The following MAGI2 variants were observed in gnomAD, a reference collection of about 807,000 sequenced individuals.
MAGI2 encodes the protein membrane-associated guanylate kinase, WW and PDZ domain-containing protein 2.
A neutral mutation model predicts 133.3 loss-of-function variants in MAGI2; 35 were observed. The observed-to-expected ratio is 0.26, with a 90% confidence interval of 0.20 to 0.35. The LOEUF (loss-of-function observed/expected upper bound fraction) is 0.35, where lower values mean the gene tolerates loss of function less well. Ranked by LOEUF, MAGI2 falls within the 10% of genes least tolerant of loss-of-function variation. MAGI2 has a pLI of 1.00. For missense variants in MAGI2, 1,636 were observed against 1,863.4 expected, an observed-to-expected ratio of 0.88 and a Z score of 2.25; for synonymous variants, 729 against 710.6, an observed-to-expected ratio of 1.03 and a Z score of -0.41.
intron 3 of MAGI2, among the ~76,000 whole-genome samples, chr7:78,576,666 T>C (rs1384685012): frequency 6.6e-6 from 1 of 152,208 alleles, no homozygotes; most frequent in Non-Finnish European, 1.5e-5. Flanking sequence ...TCCTTCAATT[T>C]ATTATCATTA....
At chr7:78,438,067 G>A (rs1787223703) in intron 6 of MAGI2, among the ~76,000 whole-genome samples, 1 of 152,100 alleles carries the variant, frequency 6.6e-6, no homozygotes. Context: ...CATCCTTGGT[G>A]GCAGTGTACA....
chr7:78,720,363 T>C (rs1204293623), intron 2 of MAGI2, among the ~76,000 whole-genome samples: 1 of 152,112 alleles, frequency 6.6e-6, no homozygotes, highest in African/African-American at 2.4e-5. Flanking sequence ...AGATTCAAAC[T>C]ATTAGGGATC....
chr7:78,746,457 C>CCTGTAGG (rs1459674234), intron 2 of MAGI2, among the ~76,000 whole-genome samples: 2 of 152,146 alleles, frequency 1.3e-5, no homozygotes, highest in African/African-American at 4.8e-5. Context: ...AGCTTATAGG[C>CCTGTAGG]CCTGAGGTTA....
intron 15 of MAGI2, among the ~76,000 whole-genome samples, chr7:78,165,783 T>C (rs1477031842): frequency 1.3e-5 from 2 of 152,216 alleles, no homozygotes; most frequent in Non-Finnish European, 2.9e-5. Context: ...GCAACAGTCC[T>C]TGAAAAGGCA....
chr7:79,435,984 T>A (rs1440348000), intron 1 of MAGI2, among the ~76,000 whole-genome samples: 1 of 152,092 alleles, frequency 6.6e-6, no homozygotes, highest in African/African-American at 2.4e-5. Flanking sequence ...TACCAACTGA[T>A]CTTTAACAAG....
At chr7:79,299,004 C>G (rs1837168018) in intron 1 of MAGI2, among the ~76,000 whole-genome samples, 1 of 152,110 alleles carries the variant, frequency 6.6e-6, no homozygotes, top group Admixed American at 6.5e-5. Flanking sequence ...GGTATTTTGT[C>G]ATGGCAGCCC....
intron 1 of MAGI2, among the ~76,000 whole-genome samples, chr7:79,131,035 T>C (rs961308355): frequency 1.3e-5 from 2 of 152,128 alleles, no homozygotes; most frequent in Non-Finnish European, 2.9e-5. Context: ...CTAGTTACAA[T>C]GCAAGGTGTT....
intron 1 of MAGI2, among the ~76,000 whole-genome samples, chr7:79,423,705 C>G (rs1847137440): frequency 6.6e-6 from 1 of 152,106 alleles, no homozygotes; most frequent in East Asian, 1.9e-4. Flanking sequence ...AGCAGAGAAA[C>G]TGAATGAAGA....
chr7:78,890,807 A>G (rs200773288), intron 2 of MAGI2, among the ~76,000 whole-genome samples: 1 of 152,194 alleles, frequency 6.6e-6, no homozygotes, highest in East Asian at 1.9e-4. Context: ...CTAACATCAC[A>G]ATTAAAAGAA....
intron 12 of MAGI2, among the ~76,000 whole-genome samples, chr7:78,189,832 TAAAG>T (rs1014156958): frequency 6.6e-6 from 1 of 152,188 alleles, no homozygotes; most frequent in African/African-American, 2.4e-5. Flanking sequence ...AAGACTAGCT[TAAAG>T]AAAAGTGAAG....
intron 6 of MAGI2, among the ~76,000 whole-genome samples, chr7:78,440,651 G>A (rs1787523192): frequency 1.3e-5 from 2 of 152,120 alleles, no homozygotes; most frequent in Admixed American, 6.5e-5. Context: ...TGACAGTCAA[G>A]TTTAAAGTAC....
At chr7:78,362,257 G>A (rs1304186846) in intron 7 of MAGI2, among the ~76,000 whole-genome samples, 1 of 152,116 alleles carries the variant, frequency 6.6e-6, no homozygotes, top group Non-Finnish European at 1.5e-5. Context: ...AGCCGAGATT[G>A]CACCACTGTA....
chr7:78,736,761 C>T (rs1221862958), intron 2 of MAGI2, among the ~76,000 whole-genome samples: 1 of 151,938 alleles, frequency 6.6e-6, no homozygotes, highest in Non-Finnish European at 1.5e-5. Context: ...CAGTACACTG[C>T]CAGAAAACTG....
chr7:78,981,346 A>G (rs117472795), intron 2 of MAGI2, among the ~76,000 whole-genome samples: 6,065 of 151,506 alleles, frequency 0.04, 172 homozygotes, highest in Non-Finnish European at 0.064. Context: ...TCTATGCCAC[A>G]TTCTGAATGA....
At chr7:78,187,155 C>T (rs1214082510) in intron 12 of MAGI2, among the ~76,000 whole-genome samples, 1 of 152,072 alleles carries the variant, frequency 6.6e-6, no homozygotes, top group Non-Finnish European at 1.5e-5. Flanking sequence ...CATTACTAAA[C>T]GTCTCTAAAA....
At chr7:78,611,224 C>T (rs185717366) in intron 3 of MAGI2, among the ~76,000 whole-genome samples, 1 of 152,298 alleles carries the variant, frequency 6.6e-6, no homozygotes, top group Admixed American at 6.5e-5. Flanking sequence ...CAACTAATAT[C>T]AATTTATTAT....
At chr7:78,117,402 T>C (rs955069627) in intron 20 of MAGI2, among the ~76,000 whole-genome samples, 2 of 152,042 alleles carry the variant, frequency 1.3e-5, no homozygotes, top group African/African-American at 4.8e-5. Flanking sequence ...TGATTAATCA[T>C]ATTAATTACC....
intron 9 of MAGI2, among the ~76,000 whole-genome samples, chr7:78,280,883 AG>A (rs1165905131): frequency 6.6e-6 from 1 of 151,322 alleles, no homozygotes; most frequent in East Asian, 1.9e-4. Context: ...AAAATTGAAA[AG>A]CACAGCTCTG....
At chr7:78,461,418 G>GTGTGTGTGTGTC (rs1790003460) in intron 6 of MAGI2, among the ~76,000 whole-genome samples, 1 of 148,778 alleles carries the variant, frequency 6.7e-6, no homozygotes, top group Non-Finnish European at 1.5e-5. Flanking sequence ...GTGTGTGTGT[G>GTGTGTGTGTGTC]TGTGTGTTGG....
Sources: allele counts gnomAD v4.1 joint callset (sites outside exome capture counted in the v4.1 genomes callset), GRCh38; gene constraint gnomAD v4.1.1; transcripts MANE v1.5; gene names NCBI Gene and HGNC (gene_info 2026-07-23, HGNC 2026-07-21).